The following SLCO1A2 variants were observed in gnomAD, a reference collection of about 807,000 sequenced individuals.
The protein encoded by SLCO1A2 is solute carrier organic anion transporter family member 1A2.
In SLCO1A2, 67 loss-of-function variants were observed where a neutral mutation model predicts 69.0. The ratio of observed to expected loss-of-function variants is 0.97; its 90% CI spans 0.80 to 1.19. SLCO1A2 has a LOEUF of 1.19. SLCO1A2 is among the 50% of genes most tolerant of loss of function. SLCO1A2 has a pLI of 0.00. For synonymous variants in SLCO1A2, 260 were observed against 265.9 expected, an observed-to-expected ratio of 0.98 and a Z score of 0.22; for missense variants, 787 against 793.7, an observed-to-expected ratio of 0.99 and a Z score of 0.10.
chr12:21,331,672 C>A (rs1952627627), intron 2 of SLCO1A2, among the ~76,000 whole-genome samples: 1 of 151,646 alleles, frequency 6.6e-6, no homozygotes, highest in African/African-American at 2.4e-5. Context: ...GACCCTGGCT[C>A]AAGACTGCTG....
At chr12:21,272,686 C>T (rs1020369279) in intron 14 of SLCO1A2, among the ~76,000 whole-genome samples, 1 of 152,100 alleles carries the variant, frequency 6.6e-6, no homozygotes, top group Admixed American at 6.6e-5. Flanking sequence ...TTACAAACAA[C>T]ATTTAGTTCA....
intron 2 of SLCO1A2, among the ~76,000 whole-genome samples, chr12:21,370,572 G>C (rs1190444815): frequency 6.7e-6 from 1 of 148,242 alleles, no homozygotes; most frequent in African/African-American, 2.5e-5. Flanking sequence ...GAGTGAGAAC[G>C]TGCAGTGTTT....
intron 2 of SLCO1A2, among the ~76,000 whole-genome samples, chr12:21,365,871 C>A (rs188392691): frequency 1.8e-3 from 273 of 152,190 alleles, no homozygotes; most frequent in African/African-American, 3.2e-3. Context: ...GCCAGTTAGA[C>A]TGGCAATCAT....
At chr12:21,289,285 G>A (rs1946462106) in intron 12 of SLCO1A2, among the ~76,000 whole-genome samples, 1 of 151,098 alleles carries the variant, frequency 6.6e-6, no homozygotes, top group South Asian at 2.1e-4. Flanking sequence ...TGTCCTTGGA[G>A]TTCTTAGAAT....
At chr12:21,334,775 T>C (rs1952823636) in intron 1 of SLCO1A2, 52 bp downstream of exon 1, 1 of 701,584 alleles carries the variant, frequency 1.4e-6, no homozygotes, top group South Asian at 2.0e-5. Flanking sequence ...TCTTTTGAAG[T>C]AAGTGCTGAA....
At chr12:21,384,220 AAGTC>A (rs1429029322) in intron 1 of SLCO1A2, among the ~76,000 whole-genome samples, 3 of 152,210 alleles carry the variant, frequency 2.0e-5, no homozygotes, top group African/African-American at 4.8e-5. Context: ...GAAGAAAAAA[AAGTC>A]AGTCACAAAA....
chr12:21,365,089 T>G (rs1382621335), intron 2 of SLCO1A2, among the ~76,000 whole-genome samples: 1 of 152,042 alleles, frequency 6.6e-6, no homozygotes, highest in Non-Finnish European at 1.5e-5. Flanking sequence ...TCATTGCCAA[T>G]ACGATCCTAA....
At chr12:21,314,779 C>T (rs1219763501) in intron 3 of SLCO1A2, 98 bp from the exon 4 acceptor site, 1 of 872,750 alleles carries the variant, frequency 1.1e-6, no homozygotes, top group Non-Finnish European at 1.8e-6. Flanking sequence ...TACTGCATAA[C>T]AACTATCTTA....
intron 8 of SLCO1A2, among the ~76,000 whole-genome samples, chr12:21,299,028 A>G (rs554896866): frequency 6.6e-6 from 1 of 152,044 alleles, no homozygotes; most frequent in Admixed American, 6.5e-5. Flanking sequence ...TATTAATAAT[A>G]ATGTGTGCTA....
At chr12:21,380,004 C>T (rs1167352795) in intron 1 of SLCO1A2, 1 of 151,954 alleles carries the variant, frequency 6.6e-6, no homozygotes, top group African/African-American at 2.4e-5. Flanking sequence ...ATTGTTGGTC[C>T]TTCTTTCAAA....
In SLCO1A2 at chr12:21,297,449, C is replaced by A; in HGVS notation, c.1030G>T (p.Glu344Ter). The A allele has an allele frequency of 6.2e-7, 1 of 1,612,678 alleles. No homozygotes were observed. The highest frequency in any genetic ancestry group is 1.1e-5 in the South Asian group (1 of 90,952). The change falls in exon 9 of 15, where the codon GAA becomes TAA. Residue 344 changes from glutamate to a stop codon, truncating the protein, a stop_gained. Coordinates refer to ENST00000683939, the MANE Select transcript of SLCO1A2 (RefSeq NM_001386879.1). LOFTEE classifies it high-confidence loss of function. Reference protein sequence around the residue: ...NMISFMPKYLEQQYGISSSDA... With the variant: ...NMISFMPKYL ...GAAGATGATATTCCATATTGCTGTTCTAGGTATTTAGGCATGAAGGAGATC... is the reference window on the plus strand; with the variant it reads ...GAAGATGATATTCCATATTGCTGTTATAGGTATTTAGGCATGAAGGAGATC...
intron 1 of SLCO1A2, among the ~76,000 whole-genome samples, chr12:21,387,421 T>A (rs1038236835): frequency 6.6e-6 from 1 of 152,106 alleles, no homozygotes; most frequent in Admixed American, 6.5e-5. Flanking sequence ...TCCTGCTGTG[T>A]ACACCCTTGG....
chr12:21,359,384 T>C (rs951052016), intron 2 of SLCO1A2, among the ~76,000 whole-genome samples: 2 of 152,116 alleles, frequency 1.3e-5, no homozygotes, highest in Admixed American at 1.3e-4. Context: ...TATTCACTCC[T>C]TGTGTAAAAC....
At chr12:21,370,151 G>A (rs574314249) in intron 2 of SLCO1A2, among the ~76,000 whole-genome samples, 2 of 151,994 alleles carry the variant, frequency 1.3e-5, no homozygotes, top group African/African-American at 4.8e-5. Context: ...TTCTGCTCCT[G>A]AGTAGCTCTG....
chr12:21,270,372 A>G (rs1201655045), intron 14 of SLCO1A2, among the ~76,000 whole-genome samples: 1 of 151,746 alleles, frequency 6.6e-6, no homozygotes, highest in African/African-American at 2.4e-5. Context: ...AATAAACTGT[A>G]ATTTTTATAC....
intron 2 of SLCO1A2, among the ~76,000 whole-genome samples, chr12:21,360,799 A>AT (rs1938792877): frequency 6.6e-6 from 1 of 152,198 alleles, no homozygotes; most frequent in Non-Finnish European, 1.5e-5. Flanking sequence ...CTAGCACAGC[A>AT]GTCTGAGATG....
At chr12:21,396,560 C>A (rs1166977856), upstream of SLCO1A2, among the ~76,000 whole-genome samples, 1 of 151,208 alleles carries the variant, frequency 6.6e-6, no homozygotes, top group Non-Finnish European at 1.5e-5. Flanking sequence ...AACTCCAAGA[C>A]ACATAATTGT....
intron 12 of SLCO1A2, among the ~76,000 whole-genome samples, chr12:21,284,182 G>A (rs1945302974): frequency 6.6e-6 from 1 of 152,162 alleles, no homozygotes; most frequent in South Asian, 2.1e-4. Flanking sequence ...TCCAGCAATA[G>A]ATGAATGGAT....
intron 12 of SLCO1A2, among the ~76,000 whole-genome samples, chr12:21,290,854 A>T (rs1334699274): frequency 6.6e-6 from 1 of 152,168 alleles, no homozygotes; most frequent in East Asian, 1.9e-4. Flanking sequence ...CATAAATGGC[A>T]CTGTAAAAGT....
Sources: gnomAD v4.1 joint callset for allele counts (sites outside exome capture counted in the v4.1 genomes callset) on GRCh38, gnomAD v4.1.1 for gene constraint, MANE v1.5 for transcripts, NCBI Gene and HGNC (gene_info 2026-07-23, HGNC 2026-07-21) for gene names.